Variants in ATP8B4 observed in about 807,000 individuals in gnomAD.
ATP8B4 encodes the protein ATPase phospholipid transporting 8B4 (putative), also known as probable phospholipid-transporting ATPase IM.
Under a neutral mutation model 145.6 loss-of-function variants are expected in ATP8B4, and 133 were observed. The observed-to-expected ratio is 0.91, with a 90% CI of 0.79 to 1.05. ATP8B4 has a LOEUF of 1.05. ATP8B4 is among the 50% of genes least tolerant of loss of function. ATP8B4 has a pLI of 0.00. For missense variants in ATP8B4, 1,458 were observed against 1,425.2 expected (o/e 1.02, Z -0.37); for synonymous variants, 507 against 492.9 (o/e 1.03, Z -0.38).
chr15:49,872,957 A>G lies in ATP8B4; in HGVS notation c.3027+3321T>C, dbSNP rs557446433. ...AGATGTTAATATTAACATCAGAGAAAAGCTAGGTGAGGGTATGCAGGAACT... is the reference window on the plus strand; with the variant it reads ...AGATGTTAATATTAACATCAGAGAAGAGCTAGGTGAGGGTATGCAGGAACT... On this transcript the variant is annotated intron_variant, in intron 25 of 27. Transcript: ENST00000284509. 2.6e-5 allele frequency among the ~76,000 whole-genome samples: 4 copies of G among 152,312 alleles called. No individual in the cohort carries two copies. The East Asian group carries it at 7.7e-4, about 29-fold the overall frequency.
chr15:50,009,791 T>C, intron 7 of ATP8B4: 1 of 386,540 alleles, frequency 2.6e-6, no homozygotes, highest in Non-Finnish European at 5.1e-6. Flanking sequence ...CAGAGTGGAC[T>C]TTGAGACCTC....
intron 23 of ATP8B4, among the ~76,000 whole-genome samples, chr15:49,884,766 C>T (rs529642348): frequency 1.3e-5 from 2 of 152,146 alleles, no homozygotes; most frequent in African/African-American, 4.8e-5. Context: ...TGTTATGAAC[C>T]AGGCCTCACA....
chr15:50,107,619 CA>C (rs1017384426), intron 1 of ATP8B4, among the ~76,000 whole-genome samples: 1 of 151,986 alleles, frequency 6.6e-6, no homozygotes, highest in African/African-American at 2.4e-5. Context: ...AAGGAGCAAA[CA>C]AGTAATTTCA....
intron 13 of ATP8B4, among the ~76,000 whole-genome samples, chr15:49,968,424 G>A (rs991512193): frequency 2.6e-5 from 4 of 151,970 alleles, no homozygotes; most frequent in South Asian, 2.1e-4. Flanking sequence ...AAGGGATGGA[G>A]GAATATTTAC....
chr15:50,111,415 AT>A (rs970714797), intron 1 of ATP8B4, among the ~76,000 whole-genome samples: 2 of 152,172 alleles, frequency 1.3e-5, no homozygotes, highest in Non-Finnish European at 2.9e-5. Flanking sequence ...TGTCATTCTT[AT>A]TTTATATCAT....
chr15:50,099,123 T>C (rs2056183790), intron 2 of ATP8B4, among the ~76,000 whole-genome samples: 1 of 152,132 alleles, frequency 6.6e-6, no homozygotes, highest in African/African-American at 2.4e-5. Context: ...CCCCCACATT[T>C]TGGAATAAAG....
intron 12 of ATP8B4, among the ~76,000 whole-genome samples, chr15:49,978,476 G>C (rs1427238073): frequency 6.6e-6 from 1 of 152,104 alleles, no homozygotes; most frequent in Non-Finnish European, 1.5e-5. Context: ...CCCAAAACAA[G>C]GGTGGATTTT....
intron 14 of ATP8B4, among the ~76,000 whole-genome samples, chr15:49,949,391 G>A (rs1165825542): frequency 6.6e-6 from 1 of 152,086 alleles, no homozygotes; most frequent in African/African-American, 2.4e-5. Context: ...CACATCCTTT[G>A]TTTGCTGTAT....
chr15:49,925,477 G>A (rs1200102686), intron 16 of ATP8B4, among the ~76,000 whole-genome samples: 1 of 152,090 alleles, frequency 6.6e-6, no homozygotes, highest in Non-Finnish European at 1.5e-5. Context: ...TTTTGTCCTT[G>A]TGCATCCTCT....
chr15:50,179,316 C>A (rs973682818), intron 1 of ATP8B4, among the ~76,000 whole-genome samples: 1 of 152,006 alleles, frequency 6.6e-6, no homozygotes, highest in African/African-American at 2.4e-5. Context: ...AGAGATGTAC[C>A]AAGAATGGGC....
chr15:50,012,731 A>C (rs1469232938), intron 6 of ATP8B4, among the ~76,000 whole-genome samples: 9 of 152,174 alleles, frequency 5.9e-5, no homozygotes, highest in Admixed American at 5.9e-4. Flanking sequence ...AACACTCTAC[A>C]AATGTAACTA....
At chr15:50,158,037 G>A (rs1358909837) in intron 1 of ATP8B4, among the ~76,000 whole-genome samples, 6 of 152,218 alleles carry the variant, frequency 3.9e-5, no homozygotes, top group Non-Finnish European at 7.3e-5. Context: ...GATTGCAGAC[G>A]GAGTCTCGTT....
chr15:49,929,801 T>A (rs2041089857), intron 16 of ATP8B4, among the ~76,000 whole-genome samples: 1 of 151,932 alleles, frequency 6.6e-6, no homozygotes, highest in African/African-American at 2.4e-5. Flanking sequence ...CAAATACTAC[T>A]AAGTTTAAAA....
intron 6 of ATP8B4, among the ~76,000 whole-genome samples, chr15:50,036,891 A>G (rs1162770650): frequency 1.3e-5 from 2 of 152,230 alleles, no homozygotes; most frequent in African/African-American, 2.4e-5. Flanking sequence ...AGGATCGGCA[A>G]CAATGCTTTT....
intron 14 of ATP8B4, among the ~76,000 whole-genome samples, chr15:49,949,974 A>G (rs112573078): frequency 7.2e-5 from 11 of 152,108 alleles, no homozygotes; most frequent in Non-Finnish European, 1.5e-4. Context: ...ATTGATTTGC[A>G]TATGTTGAAC....
chr15:50,113,210 T>G (rs1370911208), intron 1 of ATP8B4: 1 of 152,348 alleles, frequency 6.6e-6, no homozygotes, highest in East Asian at 1.9e-4. Flanking sequence ...GCAGCCCCAG[T>G]GCTGGCCCCC....
intron 1 of ATP8B4, among the ~76,000 whole-genome samples, chr15:50,126,258 A>C (rs74386356): frequency 2.7e-5 from 4 of 150,728 alleles, no homozygotes; most frequent in African/African-American, 4.9e-5. Context: ...AAAAAAAAAC[A>C]CTTCACTAAT....
intron 6 of ATP8B4, among the ~76,000 whole-genome samples, chr15:50,025,692 G>C (rs796737018): frequency 5.3e-5 from 8 of 152,206 alleles, no homozygotes; most frequent in African/African-American, 1.9e-4. Flanking sequence ...ATTTGCCTTG[G>C]TTTGTAATTA....
intron 3 of ATP8B4, among the ~76,000 whole-genome samples, chr15:50,070,039 T>A (rs2153631237): frequency 6.6e-6 from 1 of 152,290 alleles, no homozygotes; most frequent in South Asian, 2.1e-4. Flanking sequence ...AAGTAAGAAA[T>A]AAGAGTATTT....
Sources: gnomAD v4.1 joint callset for allele counts (sites outside exome capture counted in the v4.1 genomes callset) on GRCh38, gnomAD v4.1.1 for gene constraint, MANE v1.5 for transcripts, NCBI Gene and HGNC (gene_info 2026-07-23, HGNC 2026-07-21) for gene names.